Variants in PPFIA4 observed in about 807,000 individuals in gnomAD.
PPFIA4 encodes PPFI scaffold protein A4.
Under a neutral mutation model 145.7 loss-of-function variants are expected in PPFIA4, and 98 were observed. The ratio of observed to expected loss-of-function variants is 0.67; its 90% CI spans 0.57 to 0.80. The LOEUF is 0.80. PPFIA4 is among the 30% of genes least tolerant of loss of function. The pLI is 0.00. For synonymous variants in PPFIA4, 628 were observed against 649.6 expected, an observed-to-expected ratio of 0.97 and a Z score of 0.51; for missense variants, 1,457 against 1,632.7, an observed-to-expected ratio of 0.89 and a Z score of 1.85.
In PPFIA4 at chr1:203,069,759, C is replaced by T. The variant is rs112616085; in HGVS notation, c.3324+1131C>T. 1.1e-3 allele frequency among the ~76,000 whole-genome samples: 128 copies of T among 119,134 alleles called. 1 individual carries two copies. Among genetic ancestry groups the T allele is most frequent in the Middle Eastern group, 4.0e-3 (1 of 248 alleles). The allele number at this position is 119,134 out of a possible 152,430, so 78.2% of individuals were successfully genotyped here. On this transcript the variant is annotated intron_variant, in intron 27 of 29. Coordinates refer to ENST00000295706, the MANE Select transcript of PPFIA4 (RefSeq NM_001304331.2). ...TCCTGTAGGCATTCTGCAGTGACCC[C>T]CCCGCCCCGCCCCCACCCCAACCAG...
At chr1:203,051,279 C>A (rs1660484255) in intron 13 of PPFIA4, 3 of 986,022 alleles carry the variant, frequency 3.0e-6, no homozygotes, top group South Asian at 9.4e-5. Context: ...GGGACTCAGT[C>A]CAGATTATGG....
Position 203,044,766 on chromosome 1 carries a change from G to C in PPFIA4, c.647G>C (p.Gly216Ala), listed in dbSNP as rs1243171649. 6 of 1,564,606 alleles carry C rather than the reference G, an allele frequency of 3.8e-6. No homozygotes were observed. Among genetic ancestry groups the C allele is most frequent in the Non-Finnish European group, 5.2e-6 (6 of 1,154,850 alleles). Residue 216 changes from glycine to alanine, a missense_variant, in exon 6 of 30, where the codon GGG (glycine) becomes GCG (alanine). Around this residue, in one of 3 missense-constraint regions of PPFIA4, gnomAD observed 463 missense variants for 459.8 expected, o/e 1.01. Transcript: ENST00000295706. ...GAAGAGGAGGGGACTGTGGAGCTGG[G>C]GCCGAAACGCCTGTGGAAGGTAGGT... The part of the protein sequence containing the change: ...AAEEEGTVEL[G>A]PKRLWKEDTG...
chr1:203,042,374 A>G (rs1001829256), intron 2 of PPFIA4, among the ~76,000 whole-genome samples: 6 of 152,162 alleles, frequency 3.9e-5, no homozygotes, highest in Non-Finnish European at 7.4e-5. Context: ...TACTTGGTAC[A>G]TGGATATTTG....
intron 2 of PPFIA4, among the ~76,000 whole-genome samples, chr1:203,039,887 T>C (rs544309377): frequency 4.5e-4 from 69 of 152,288 alleles, no homozygotes; most frequent in African/African-American, 1.7e-3. Flanking sequence ...GAACTAAAGC[T>C]GGGGAGATGA....
At chr1:203,035,442 C>T (rs1168408049) in intron 1 of PPFIA4, 8 of 423,578 alleles carry the variant, frequency 1.9e-5, no homozygotes, top group Non-Finnish European at 3.8e-5. Context: ...AAGAGGCCCC[C>T]AAGTTACCTC....
Position 203,039,256 on chromosome 1 carries a change from G to A in PPFIA4, c.234+14G>A. ...GCCCTCCCCCAGGTAAGGCCCGAAGGCCTGCGTCTCTCTTAACCCCTTTCC... is the reference window on the plus strand; with the variant it reads ...GCCCTCCCCCAGGTAAGGCCCGAAGACCTGCGTCTCTCTTAACCCCTTTCC... On this transcript the variant is annotated intron_variant, in intron 2 of 29. Coordinates refer to ENST00000295706, the MANE Select transcript of PPFIA4 (RefSeq NM_001304331.2). 1 of 1,548,614 alleles carries A rather than the reference G, an allele frequency of 6.5e-7. No homozygotes were observed. Among genetic ancestry groups the A allele is most frequent in the Admixed American group, 2.0e-5 (1 of 50,030 alleles).
intron 13 of PPFIA4, 65 bp from the exon 14 acceptor site, chr1:203,051,704 C>A: frequency 6.5e-7 from 1 of 1,546,310 alleles, no homozygotes; most frequent in Non-Finnish European, 8.7e-7. Context: ...TTTGGGCCCA[C>A]TGGGTGTGAG....
chr1:203,076,066 C>T (rs1338374906), intron 29 of PPFIA4: 32 of 587,392 alleles, frequency 5.4e-5, no homozygotes, highest in Non-Finnish European at 7.7e-5. Flanking sequence ...GGGGAGTGCC[C>T]GTGGCTCGGG....
At position 203,071,794 on chromosome 1, in the gene PPFIA4, G is replaced by T. The variant is rs2270541; in HGVS notation, c.3393+34G>T. 532,200 of 1,553,718 alleles carry T rather than the reference G, an allele frequency of 0.34. 93,262 individuals are homozygous for T. Among genetic ancestry groups the T allele is most frequent in the African/African-American group, 0.44 (32,630 of 73,626 alleles). ...CTGGCCATGAATTAGGAGCCTTGGG[G>T]ATTTGGTCATCTTCGTTGGATTGAG... On this transcript the variant is annotated intron_variant, in intron 28 of 29. Transcript: ENST00000295706.
chr1:203,037,312 A>T (rs1571665772), intron 1 of PPFIA4: 1 of 169,234 alleles, frequency 5.9e-6, no homozygotes, highest in Non-Finnish European at 1.3e-5. Flanking sequence ...CTTCTTGTCC[A>T]CCCTGACCCT....
chr1:203,058,498 C>T (rs1230692108), intron 19 of PPFIA4, among the ~76,000 whole-genome samples: 1 of 152,138 alleles, frequency 6.6e-6, no homozygotes, highest in Non-Finnish European at 1.5e-5. Flanking sequence ...TTATGATTTT[C>T]GATGCTCTCC....
Position 203,055,641 on chromosome 1 carries a change from A to G in PPFIA4, c.2039A>G (p.Gln680Arg), listed in dbSNP as rs750751744. The change falls in exon 16 of 30, where the codon CAG becomes CGG. Residue 680 changes from glutamine to arginine, a missense_variant. Around this residue, in one of 3 missense-constraint regions of PPFIA4, gnomAD observed 848 missense variants for 1,046.7 expected, o/e 0.81. Coordinates refer to ENST00000295706, the MANE Select transcript of PPFIA4 (RefSeq NM_001304331.2). This position sits in a 1 kb window ranked among gnomAD's most constrained non-coding sequence, Gnocchi z 4.8. ...AAGCTCACCTCCCGCAGTGCTGCCC[A>G]GGACCTGGACCGAATGGGGGTCATG... ...TPKLTSRSAA[Q>R]DLDRMGVMTL... The G allele has an allele frequency of 1.9e-6, 3 of 1,614,004 alleles. No homozygotes were observed. Among genetic ancestry groups the G allele is most frequent in the Non-Finnish European group, 2.5e-6 (3 of 1,179,886 alleles).
intron 6 of PPFIA4, 133 bp from the exon 7 acceptor site, chr1:203,045,235 G>A (rs1571683761): frequency 4.0e-6 from 3 of 753,486 alleles, no homozygotes; most frequent in East Asian, 5.5e-5. Flanking sequence ...GTAGCCAGAG[G>A]AGTGCTGTGA....
intron 1 of PPFIA4, among the ~76,000 whole-genome samples, chr1:203,038,072 G>A (rs1213304739): frequency 2.6e-5 from 4 of 152,160 alleles, no homozygotes; most frequent in Non-Finnish European, 5.9e-5. Flanking sequence ...TAGCCATGTT[G>A]TGCCAGTATC....
chr1:203,029,902 A>G (rs1658693879), intron 1 of PPFIA4, among the ~76,000 whole-genome samples: 1 of 152,266 alleles, frequency 6.6e-6, no homozygotes, highest in South Asian at 2.1e-4. Context: ...GAGTGATTTT[A>G]CAAAGAGTGC....
intron 14 of PPFIA4, 75 bp downstream of exon 14, chr1:203,051,952 G>A (rs1176243268): frequency 8.6e-6 from 13 of 1,509,804 alleles, no homozygotes; most frequent in South Asian, 1.2e-5. Context: ...TTACGCAGAC[G>A]GCTGGTGTGT....
In PPFIA4 at chr1:203,044,698, GT is replaced by G; in HGVS notation, c.580del (p.Ser194LeufsTer35). On this transcript the variant is annotated frameshift_variant, in exon 6 of 30. Transcript: ENST00000295706. LOFTEE classifies it high-confidence loss of function. ...EQLAGAHQQV[S>X]ALQQGAGVRD... is the part of the protein sequence containing the mutation. ...GCCCTGGGGCTTGTGCCCTACAGGT[GT>G]CTGCCCTGCAGCAGGGGGCAGGGGT... 2 of 1,553,762 alleles carry G rather than the reference GT, an allele frequency of 1.3e-6. No individual in the cohort carries two copies. The highest frequency in any genetic ancestry group is 4.8e-5 in the East Asian group (2 of 41,546).
intron 1 of PPFIA4, chr1:203,035,302 C>T (rs746704775): frequency 3.5e-5 from 16 of 456,612 alleles, no homozygotes; most frequent in East Asian, 6.9e-5. Context: ...CAGCTCTCTC[C>T]GTGGCCAGGC....
chr1:203,043,611 C>A lies in PPFIA4; in HGVS notation c.336+113C>A. On this transcript the variant is annotated intron_variant, in intron 3 of 29. Transcript: ENST00000295706. The surrounding 1 kb of genome is among the most constrained non-coding windows in gnomAD (Gnocchi z 4.4). ...AGGCAAGAGTGGGGCCAGGCACAGT[C>A]CTAGCTCAAGCCCCATCCTTCCCTC... The A allele has an allele frequency of 1.0e-6, 1 of 976,938 alleles. No homozygotes were observed. Among genetic ancestry groups the A allele is most frequent in the Non-Finnish European group, 1.6e-6 (1 of 640,530 alleles). The allele number at this position is 976,938 out of a possible 1,614,324, so 60.5% of individuals were successfully genotyped here.
Sources: allele counts gnomAD v4.1 joint callset (sites outside exome capture counted in the v4.1 genomes callset), GRCh38; gene constraint gnomAD v4.1.1; regional missense constraint gnomAD v4.1.1; non-coding constraint Gnocchi (gnomAD v3.1); transcripts MANE v1.5; gene names NCBI Gene and HGNC (gene_info 2026-07-23, HGNC 2026-07-21).